ZC3H13: variants seen among roughly 807,000 people sequenced by gnomAD.
ZC3H13 encodes the protein zinc finger CCCH-type containing 13.
ZC3H13 carries 64 observed loss-of-function variants against 204.1 expected under a neutral mutation model. That is an observed-to-expected ratio of 0.31 (90% CI 0.26 to 0.39). ZC3H13 has a LOEUF of 0.39. ZC3H13 is among the 10% of genes least tolerant of loss of function. The pLI is 1.00. For missense variants in ZC3H13, 1,833 were observed against 2,082.7 expected, an observed-to-expected ratio of 0.88 and a Z score of 2.33; for synonymous variants, 667 against 693.7, an observed-to-expected ratio of 0.96 and a Z score of 0.60.
intron 7 of ZC3H13, among the ~76,000 whole-genome samples, chr13:46,007,216 T>G (rs535313731): frequency 6.6e-6 from 1 of 152,122 alleles, no homozygotes; most frequent in South Asian, 2.1e-4. Flanking sequence ...TTTCTTGAAA[T>G]TAAGCATGGC....
chr13:46,027,289 G>A (rs1341468069), intron 4 of ZC3H13, among the ~76,000 whole-genome samples: 2 of 152,050 alleles, frequency 1.3e-5, no homozygotes, highest in Admixed American at 1.3e-4. Context: ...ACGTTTTGTA[G>A]AGATGGGAGT....
chr13:46,046,340 T>C (rs2043953248), intron 1 of ZC3H13, among the ~76,000 whole-genome samples: 1 of 152,032 alleles, frequency 6.6e-6, no homozygotes, highest in African/African-American at 2.4e-5. Context: ...GTTTAAGCTC[T>C]GTTAGATTTG....
chr13:46,036,632 T>C (rs1386369510), intron 4 of ZC3H13, among the ~76,000 whole-genome samples: 1 of 152,222 alleles, frequency 6.6e-6, no homozygotes, highest in Non-Finnish European at 1.5e-5. Flanking sequence ...GAAAAAGTTA[T>C]TAAAATAACA....
rs1366046131 is a variant in ZC3H13, at chr13:45,975,577, C to T, written c.2174G>A (p.Arg725His). Residue 725 changes from arginine (R) to histidine (H), a missense_variant, in exon 12 of 19, where the codon CGT becomes CAT. By Grantham distance (29) the Arg-to-His change is conservative. Transcript: ENST00000679008. ...GTGGTCTCGGTCTCTATCCCTTTCA[C>T]GATCTCTCTCTTTTTCTCTTTCTCT... ...REREREKERD[R>H]ERDRDRDHDR... The T allele has an allele frequency of 5.1e-6, 8 of 1,572,564 alleles. No homozygotes were observed. The highest frequency in any genetic ancestry group is 1.4e-5 in the African/African-American group (1 of 73,412).
rs1410265257 is a variant in ZC3H13 at position 46,003,211 on chromosome 13, T to G, written c.872A>C (p.Glu291Ala). Residue 291 changes from glutamate to alanine, a missense_variant, in exon 8 of 19, where the codon GAA becomes GCA. Coordinates refer to ENST00000679008, the MANE Select transcript of ZC3H13 (RefSeq NM_001330564.2). The part of the protein sequence containing the change: ...KEKYKVKDRI[E>A]EKTRDGKDRG... ...GTCCTTTCCATCTCTTGTTTTTTCTTCTATCCTGTCTTTTACTTTATATTT... is the reference window on the plus strand; with the variant it reads ...GTCCTTTCCATCTCTTGTTTTTTCTGCTATCCTGTCTTTTACTTTATATTT... 2 of 1,613,202 alleles carry G rather than the reference T, an allele frequency of 1.2e-6. No individual in the cohort carries two copies. The highest frequency in any genetic ancestry group is 1.7e-6 in the Non-Finnish European group (2 of 1,179,794).
intron 9 of ZC3H13, among the ~76,000 whole-genome samples, chr13:45,987,578 C>G (rs2039637867): frequency 6.6e-6 from 1 of 152,004 alleles, no homozygotes; most frequent in Admixed American, 6.5e-5. Context: ...TTCTCCAGTC[C>G]CTGCCTATTT....
Position 46,043,191 on chromosome 13 carries a change from A to G in ZC3H13, c.228-916T>C, listed in dbSNP as rs757151163. On this transcript the variant is annotated intron_variant, in intron 3 of 18. Transcript: ENST00000679008. ...AGTACTATATATAAAAAAGATATAA[A>G]CAAATCACATAAATATTCACATCTA... is the stretch of plus-strand genomic sequence containing the variant. Among the ~76,000 whole-genome samples, 126 of 152,128 alleles carry G rather than the reference A, an allele frequency of 8.3e-4. 1 individual carries two copies. The highest frequency in any genetic ancestry group is 1.9e-3 in the Admixed American group (29 of 15,286).
In ZC3H13 at chr13:45,988,961, G is replaced by T. The variant is rs771272021; in HGVS notation, c.1081C>A (p.Arg361=). The change falls in exon 9 of 19, where the codon CGG becomes AGG. Residue 361 remains arginine, a synonymous_variant. Coordinates refer to ENST00000679008, the MANE Select transcript of ZC3H13 (RefSeq NM_001330564.2). The part of the protein sequence containing the change: ...RKRTPSPSYQ[R]TLTPPLRRSA... ...CGTCGTAAAGGTGGAGTTAGTGTCC[G>T]CTGATAAGATGGTGAAGGAGTTCTT... The T allele has an allele frequency of 4.3e-6, 7 of 1,613,940 alleles. No individual in the cohort carries two copies. Among genetic ancestry groups the T allele is most frequent in the Non-Finnish European group, 5.9e-6 (7 of 1,179,954 alleles).
At chr13:45,977,168 T>G (rs990086629) in intron 11 of ZC3H13, among the ~76,000 whole-genome samples, 1 of 152,134 alleles carries the variant, frequency 6.6e-6, no homozygotes, top group African/African-American at 2.4e-5. Flanking sequence ...ACCCTTTCAC[T>G]TTTGCTGAAA....
rs1296130161 is a variant in ZC3H13 at position 46,010,509 on chromosome 13, TA to T, written c.589-5del. ...ATCTAACCACTTCTGGTGAAACCTT[TA>T]AAAAAATTCAGTAAGTCAATTCAGA... On this transcript the variant is annotated splice_polypyrimidine_tract_variant and splice_region_variant and intron_variant, in intron 6 of 18. Coordinates refer to ENST00000679008, the MANE Select transcript of ZC3H13 (RefSeq NM_001330564.2). 3 of 1,603,844 alleles carry T rather than the reference TA, an allele frequency of 1.9e-6. No homozygotes were observed. The highest frequency in any genetic ancestry group is 2.6e-6 in the Non-Finnish European group (3 of 1,172,384).
At chr13:45,995,751 A>G (rs2040286139) in intron 8 of ZC3H13, among the ~76,000 whole-genome samples, 1 of 152,248 alleles carries the variant, frequency 6.6e-6, no homozygotes, top group Non-Finnish European at 1.5e-5. Flanking sequence ...CACCAGCAGC[A>G]GATGCTGGAG....
chr13:46,044,415 A>C (rs2043802590), intron 3 of ZC3H13, among the ~76,000 whole-genome samples: 1 of 152,098 alleles, frequency 6.6e-6, no homozygotes, highest in South Asian at 2.1e-4. Context: ...AATCTAGCCA[A>C]GCCTTTATTA....
At chr13:45,979,430 T>C (rs995559787) in intron 11 of ZC3H13, among the ~76,000 whole-genome samples, 4 of 152,162 alleles carry the variant, frequency 2.6e-5, no homozygotes, top group Admixed American at 2.6e-4. Context: ...AAAATTCTAT[T>C]GATCATAGCA....
chr13:46,020,799 T>C (rs1461843667), intron 4 of ZC3H13, among the ~76,000 whole-genome samples: 1 of 152,060 alleles, frequency 6.6e-6, no homozygotes, highest in Non-Finnish European at 1.5e-5. Flanking sequence ...CTAAAAGAGA[T>C]GTAGACTATA....
At chr13:45,972,747 C>T (rs966263015) in intron 12 of ZC3H13, among the ~76,000 whole-genome samples, 2 of 152,148 alleles carry the variant, frequency 1.3e-5, no homozygotes, top group African/African-American at 2.4e-5. Flanking sequence ...TGGCCTATTT[C>T]CCCATTTTTC....
intron 4 of ZC3H13, among the ~76,000 whole-genome samples, chr13:46,028,825 T>C (rs537384003): frequency 2.6e-5 from 4 of 152,268 alleles, no homozygotes; most frequent in South Asian, 4.1e-4. Flanking sequence ...GAGATATTTA[T>C]AGCATTGAAT....
intron 12 of ZC3H13, among the ~76,000 whole-genome samples, chr13:45,971,200 C>T (rs905683630): frequency 3.9e-5 from 6 of 152,104 alleles, no homozygotes; most frequent in East Asian, 1.9e-4. Context: ...AAATGAGTAG[C>T]GTTTTATATC....
chr13:45,958,320 A>G (rs1043427292), intron 18 of ZC3H13, among the ~76,000 whole-genome samples: 1 of 152,202 alleles, frequency 6.6e-6, no homozygotes, highest in Admixed American at 6.5e-5. Context: ...CCAAGTAAAA[A>G]GCTAGTGAAG....
intron 5 of ZC3H13, among the ~76,000 whole-genome samples, chr13:46,013,855 C>T (rs1344792118): frequency 6.6e-6 from 1 of 151,992 alleles, no homozygotes; most frequent in Non-Finnish European, 1.5e-5. Context: ...ATATGCAACA[C>T]ATAAGAAAAG....
Sources: gnomAD v4.1 joint callset for allele counts (sites outside exome capture counted in the v4.1 genomes callset) on GRCh38, gnomAD v4.1.1 for gene constraint, MANE v1.5 for transcripts, NCBI Gene and HGNC (gene_info 2026-07-23, HGNC 2026-07-21) for gene names.